Variants in PPP1R9A observed in about 807,000 individuals in gnomAD.
The protein encoded by PPP1R9A is neurabin-1.
PPP1R9A carries 59 observed loss-of-function variants against 141.9 expected under a neutral mutation model. The observed-to-expected ratio is 0.42, with a 90% confidence interval of 0.34 to 0.52. The LOEUF (loss-of-function observed/expected upper bound fraction) is 0.52. Ranked by LOEUF, PPP1R9A falls within the 20% of genes least tolerant of loss-of-function variation. PPP1R9A has a pLI of 0.10. For missense variants in PPP1R9A, 1,444 were observed against 1,611.9 expected (o/e 0.90, Z 1.78); for synonymous variants, 500 against 569.7 (o/e 0.88, Z 1.74).
intron 2 of PPP1R9A, among the ~76,000 whole-genome samples, chr7:94,962,095 A>G (rs930554773): frequency 2.6e-5 from 4 of 152,060 alleles, no homozygotes; most frequent in South Asian, 2.1e-4. Flanking sequence ...CAGGAGTGAC[A>G]GGTTTTTTTG....
intron 18 of PPP1R9A, among the ~76,000 whole-genome samples, chr7:95,287,908 G>A (rs557258935): frequency 2.6e-5 from 4 of 152,238 alleles, no homozygotes; most frequent in South Asian, 2.1e-4. Flanking sequence ...GGCTGGTCTT[G>A]AACTCCTGGC....
intron 8 of PPP1R9A, among the ~76,000 whole-genome samples, chr7:95,239,762 AAAAT>A (rs1797187652): frequency 6.6e-6 from 1 of 151,874 alleles, no homozygotes; most frequent in African/African-American, 2.4e-5. Context: ...ATTTAAGGAC[AAAAT>A]AAAAATTAAA....
intron 2 of PPP1R9A, among the ~76,000 whole-genome samples, chr7:95,026,170 T>C (rs1048891996): frequency 6.6e-6 from 1 of 152,236 alleles, no homozygotes; most frequent in Admixed American, 6.5e-5. Context: ...GTGTTTGGAA[T>C]TTTCAGCCTT....
At chr7:95,024,103 T>G (rs1415688281) in intron 2 of PPP1R9A, among the ~76,000 whole-genome samples, 1 of 152,202 alleles carries the variant, frequency 6.6e-6, no homozygotes, top group Non-Finnish European at 1.5e-5. Context: ...TTGAGTGAGT[T>G]TCTTAATCCT....
chr7:95,036,790 G>A (rs1808482226), intron 2 of PPP1R9A: 1 of 152,198 alleles, frequency 6.6e-6, no homozygotes, highest in Non-Finnish European at 1.5e-5. Flanking sequence ...AACTGCAAGA[G>A]AAATGTTTTA....
chr7:95,092,045 C>T (rs1338543525), intron 2 of PPP1R9A, among the ~76,000 whole-genome samples: 1 of 152,120 alleles, frequency 6.6e-6, no homozygotes, highest in African/African-American at 2.4e-5. Context: ...ATGGTAGCTG[C>T]ACTTCTCCTT....
intron 2 of PPP1R9A, among the ~76,000 whole-genome samples, chr7:94,939,817 TACACACACAC>T (rs4014722): frequency 3.4e-4 from 49 of 145,296 alleles, no homozygotes; most frequent in African/African-American, 1.2e-3. Flanking sequence ...TATATATGTG[TACACACACAC>T]ACACACACAC....
In PPP1R9A at chr7:94,996,821, G is replaced by A. The variant is rs1412736165; in HGVS notation, c.1395+85313G>A. On this transcript the variant is annotated intron_variant, in intron 2 of 19. Transcript: ENST00000433360. ...TGTGTTTTTTTTTTTTTTTTTTTGA[G>A]ATGGAGTTTTTGCTCTTGTTGCCCA... Among the ~76,000 whole-genome samples the A allele has an allele frequency of 5.7e-5, 5 of 87,496 alleles. No individual in the cohort carries two copies. The East Asian group carries it at 1.2e-3, about 21-fold the overall frequency. 57.4% of individuals were successfully genotyped at this position (87,496 alleles called of 152,430 possible).
In PPP1R9A at chr7:95,291,163, C is replaced by T. The variant is rs1044287601; in HGVS notation, c.*860C>T. 2 of 152,144 alleles carry T rather than the reference C, an allele frequency of 1.3e-5. No individual in the cohort carries two copies. The highest frequency in any genetic ancestry group is 2.9e-5 in the Non-Finnish European group (2 of 68,018). The allele number at this position is 152,144 out of a possible 1,614,324, so 9.4% of individuals were successfully genotyped here. A position where few individuals can be genotyped will look rare whatever the true frequency, so the allele number is the denominator to read the frequency against. The stretch of plus-strand genomic sequence containing the variant: ...TGGCAAACACAACACAGTTCCTCTT[C>T]CCCCTACCTAACCCAAGAAATTGAA... On this transcript the variant is annotated 3_prime_UTR_variant, in exon 20 of 20. Coordinates refer to ENST00000433360, the MANE Select transcript of PPP1R9A (RefSeq NM_001166160.2).
chr7:95,114,711 C>A (rs193067444), intron 3 of PPP1R9A, among the ~76,000 whole-genome samples: 4 of 152,002 alleles, frequency 2.6e-5, no homozygotes, highest in African/African-American at 9.6e-5. Flanking sequence ...ATAATGAACT[C>A]TATTTCAAGC....
At chr7:94,930,817 T>G (rs1156354746) in intron 2 of PPP1R9A, among the ~76,000 whole-genome samples, 2 of 152,182 alleles carry the variant, frequency 1.3e-5, no homozygotes, top group Admixed American at 1.3e-4. Flanking sequence ...AGGTTAACAT[T>G]ACCTATTTAG....
At chr7:95,115,684 T>A (rs2152461831) in intron 3 of PPP1R9A, among the ~76,000 whole-genome samples, 1 of 152,114 alleles carries the variant, frequency 6.6e-6, no homozygotes, top group Admixed American at 6.5e-5. Flanking sequence ...TTTGGGAGGC[T>A]GAGATGGGCG....
At chr7:95,219,314 T>C (rs948712634) in intron 7 of PPP1R9A, among the ~76,000 whole-genome samples, 1 of 152,196 alleles carries the variant, frequency 6.6e-6, no homozygotes, top group Non-Finnish European at 1.5e-5. Context: ...TCTTCTGGCT[T>C]GTAGAGTTTC....
rs141940108 is a variant in PPP1R9A at position 95,270,595 on chromosome 7, G to A, written c.3124+1088G>A. On this transcript the variant is annotated intron_variant, in intron 14 of 19. Transcript: ENST00000433360. ...TTTTTTCTAGAGATTTGTAAAACAG[G>A]TTATATGCCAGTAGAAGGCATGAAA... Among the ~76,000 whole-genome samples the A allele has an allele frequency of 8.8e-3, 1,341 of 152,164 alleles. 10 individuals are homozygous for A. Among genetic ancestry groups the A allele is most frequent in the African/African-American group, 0.016 (670 of 41,510 alleles).
At chr7:95,120,603 T>C (rs1414513175) in intron 3 of PPP1R9A, 109 bp from the exon 4 acceptor site, 1 of 1,249,566 alleles carries the variant, frequency 8.0e-7, no homozygotes, top group Non-Finnish European at 1.1e-6. Flanking sequence ...TATTGTCCTA[T>C]CCATAAGGAA....
chr7:95,055,956 C>T (rs577920930), intron 2 of PPP1R9A, among the ~76,000 whole-genome samples: 4 of 152,058 alleles, frequency 2.6e-5, no homozygotes, highest in Non-Finnish European at 4.4e-5. Flanking sequence ...TACAGAGCAA[C>T]CCCAAATAAG....
Position 94,910,330 on chromosome 7 carries a change from A to G in PPP1R9A, c.217A>G (p.Met73Val), listed in dbSNP as rs1351338350. Residue 73 changes from methionine (M) to valine (V), a missense_variant, in exon 2 of 20, where the codon ATG (methionine) becomes GTG (valine). Physicochemically the swap from Met to Val is conservative, Grantham distance 21. Coordinates refer to ENST00000433360, the MANE Select transcript of PPP1R9A (RefSeq NM_001166160.2). The surrounding 1 kb of genome is among the most constrained non-coding windows in gnomAD (Gnocchi z 4.5). ...VNRIKNLFMQ[M>V]GMEPNENAAV... ...CAGAATTAAAAACCTATTTATGCAGATGGGTATGGAACCCAACGAGAATGC... is the reference window on the plus strand; with the variant it reads ...CAGAATTAAAAACCTATTTATGCAGGTGGGTATGGAACCCAACGAGAATGC... The G allele has an allele frequency of 1.9e-6, 3 of 1,613,992 alleles. No homozygotes were observed. The highest frequency in any genetic ancestry group is 2.5e-6 in the Non-Finnish European group (3 of 1,180,010).
chr7:95,229,037 A>G (rs1262136660), intron 8 of PPP1R9A, among the ~76,000 whole-genome samples: 2 of 152,014 alleles, frequency 1.3e-5, no homozygotes, highest in Non-Finnish European at 2.9e-5. Context: ...CAGGAGTTCA[A>G]AGTTACAATG....
intron 2 of PPP1R9A, among the ~76,000 whole-genome samples, chr7:95,099,268 A>G (rs1008570255): frequency 6.6e-6 from 1 of 152,136 alleles, no homozygotes; most frequent in Non-Finnish European, 1.5e-5. Flanking sequence ...ACTGCCCCCA[A>G]ATGGTTGCCA....
Sources: allele counts gnomAD v4.1 joint callset (sites outside exome capture counted in the v4.1 genomes callset), GRCh38; gene constraint gnomAD v4.1.1; non-coding constraint Gnocchi (gnomAD v3.1); transcripts MANE v1.5; gene names NCBI Gene and HGNC (gene_info 2026-07-23, HGNC 2026-07-21).